The following EML1 variants were observed in gnomAD, a reference collection of about 807,000 sequenced individuals.
EML1 encodes the protein EMAP like 1, also known as echinoderm microtubule-associated protein-like 1.
EML1 carries 27 observed loss-of-function variants against 110.4 expected under a neutral mutation model. The ratio of observed to expected loss-of-function variants is 0.24; its 90% CI spans 0.18 to 0.34. The LOEUF (loss-of-function observed/expected upper bound fraction) is 0.34. Among genes scored for constraint, EML1 ranks in the 10% least tolerant of loss-of-function variants. The pLI, the probability that EML1 is intolerant of heterozygous loss-of-function variation, is 1.00. For missense variants in EML1, 741 were observed against 1,030.9 expected, an observed-to-expected ratio of 0.72 and a Z score of 3.85; for synonymous variants, 344 against 385.8, an observed-to-expected ratio of 0.89 and a Z score of 1.27.
intron 3 of EML1, among the ~76,000 whole-genome samples, chr14:99,876,758 C>T (rs921293429): frequency 1.3e-5 from 2 of 152,204 alleles, no homozygotes; most frequent in East Asian, 3.9e-4. Flanking sequence ...CAGCCCCCTG[C>T]CTGCCCCTCC....
intron 1 of EML1, among the ~76,000 whole-genome samples, chr14:99,752,024 G>A (rs2057181841): frequency 6.6e-6 from 1 of 152,240 alleles, no homozygotes; most frequent in South Asian, 2.1e-4. Context: ...ACCCAAGGCC[G>A]TTTTGCCAGC....
intron 14 of EML1, 35 bp from the exon 15 acceptor site, chr14:99,914,531 C>T (rs953841221): frequency 3.2e-6 from 5 of 1,575,466 alleles, no homozygotes; most frequent in Non-Finnish European, 4.3e-6. Flanking sequence ...ACTGTAGTAT[C>T]TCAGAGCGCT....
chr14:99,883,914 G>A (rs1168164990), intron 4 of EML1, among the ~76,000 whole-genome samples: 1 of 152,208 alleles, frequency 6.6e-6, no homozygotes, highest in Non-Finnish European at 1.5e-5. Context: ...TGCTCAACAA[G>A]CATTAGTCGA....
chr14:99,791,446 TACCCCAG>T (rs990751499), upstream of EML1, among the ~76,000 whole-genome samples: 2 of 152,240 alleles, frequency 1.3e-5, no homozygotes, highest in Admixed American at 6.5e-5. Context: ...GTCAAGGCTG[TACCCCAG>T]CCCCTGTCCG....
At chr14:99,787,053 TG>T (rs1310922682) in intron 1 of EML1, among the ~76,000 whole-genome samples, 1 of 152,104 alleles carries the variant, frequency 6.6e-6, no homozygotes, top group Non-Finnish European at 1.5e-5. Flanking sequence ...AGGGGCAGAG[TG>T]ACCATTTGTC....
At chr14:99,882,666 AAAAAAAAAAG>A (rs1460064732) in intron 4 of EML1, among the ~76,000 whole-genome samples, 2 of 151,648 alleles carry the variant, frequency 1.3e-5, no homozygotes, top group Non-Finnish European at 2.9e-5. Flanking sequence ...AAAAAAAAAA[AAAAAAAAAAG>A]AAAATTGCCA....
intron 7 of EML1, among the ~76,000 whole-genome samples, chr14:99,897,873 C>G (rs1323473672): frequency 6.6e-6 from 1 of 152,078 alleles, no homozygotes; most frequent in Non-Finnish European, 1.5e-5. Context: ...GTTCCTTGGT[C>G]AATGATAAAA....
At chr14:99,878,740 A>G in intron 4 of EML1, 121 bp downstream of exon 4, 1 of 1,369,412 alleles carries the variant, frequency 7.3e-7, no homozygotes, top group Non-Finnish European at 9.8e-7. Context: ...GGAGAAGAAG[A>G]CCTTCTCCTC....
chr14:99,856,330 G>T (rs1470611867), intron 2 of EML1, among the ~76,000 whole-genome samples: 2 of 152,062 alleles, frequency 1.3e-5, no homozygotes, highest in Non-Finnish European at 2.9e-5. Flanking sequence ...TTTTTTCAAG[G>T]TTTAATTTGA....
intron 17 of EML1, among the ~76,000 whole-genome samples, chr14:99,921,977 T>C (rs957009899): frequency 1.6e-4 from 25 of 152,178 alleles, no homozygotes; most frequent in Non-Finnish European, 1.5e-5. Flanking sequence ...TCTGGACATA[T>C]CGTGTAAATG....
chr14:99,842,186 T>C (rs2058644433), intron 1 of EML1, among the ~76,000 whole-genome samples: 1 of 152,272 alleles, frequency 6.6e-6, no homozygotes, highest in South Asian at 2.1e-4. Flanking sequence ...TTTTCTTTGA[T>C]GAAATTCAGA....
At chr14:99,806,316 CTTTTT>C (rs1198890041) in intron 1 of EML1, among the ~76,000 whole-genome samples, 1 of 87,774 alleles carries the variant, frequency 1.1e-5, no homozygotes. Context: ...TCTCCAGAAT[CTTTTT>C]TTTTTTTTTT....
chr14:99,879,388 C>A (rs1291122220), intron 4 of EML1, among the ~76,000 whole-genome samples: 3 of 152,092 alleles, frequency 2.0e-5, no homozygotes, highest in Non-Finnish European at 4.4e-5. Context: ...TTTATTCTCT[C>A]TGTTTAGTAA....
intron 6 of EML1, among the ~76,000 whole-genome samples, chr14:99,896,580 A>G (rs2059674355): frequency 6.6e-6 from 1 of 152,228 alleles, no homozygotes; most frequent in Admixed American, 6.5e-5. Flanking sequence ...CTCTAAATAA[A>G]TGGCATTTTT....
chr14:99,878,670 C>G, intron 4 of EML1, 51 bp downstream of exon 4: 1 of 1,568,676 alleles, frequency 6.4e-7, no homozygotes, highest in Non-Finnish European at 8.6e-7. Context: ...GTTAGTACGG[C>G]TTGTCCCCAG....
intron 1 of EML1, among the ~76,000 whole-genome samples, chr14:99,833,060 A>G (rs1441370117): frequency 1.3e-5 from 2 of 152,210 alleles, no homozygotes; most frequent in African/African-American, 2.4e-5. Context: ...TTTTGCTGTC[A>G]TATCTACAAG....
chr14:99,938,949 G>A (rs888927151), intron 20 of EML1, among the ~76,000 whole-genome samples: 1 of 152,218 alleles, frequency 6.6e-6, no homozygotes, highest in African/African-American at 2.4e-5. Flanking sequence ...CTGGCAGCCC[G>A]GAAAGCTTGT....
chr14:99,774,525 A>T (rs1047092352), intron 1 of EML1, among the ~76,000 whole-genome samples: 2 of 152,104 alleles, frequency 1.3e-5, no homozygotes, highest in Non-Finnish European at 2.9e-5. Flanking sequence ...AGACCTCCCC[A>T]TATCCACCCA....
rs556807550 is a variant in EML1, at chr14:99,923,523, G to T, written c.1909+2646G>T. On this transcript the variant is annotated intron_variant, in intron 17 of 21. Coordinates refer to ENST00000262233, the MANE Select transcript of EML1 (RefSeq NM_004434.3). ...TTGCTCTGCATAGAGGTATCTAGTTGTCCCAAGCACTTTTTGTTGAAAACA... is the reference window on the plus strand; with the variant it reads ...TTGCTCTGCATAGAGGTATCTAGTTTTCCCAAGCACTTTTTGTTGAAAACA... Among the ~76,000 whole-genome samples, 7 of 52,280 alleles carry T rather than the reference G, an allele frequency of 1.3e-4. No homozygotes were observed. In the African/African-American group the frequency reaches 3.8e-3, roughly 28 times the overall value. 34.3% of individuals were successfully genotyped at this position (52,280 alleles called of 152,430 possible).
Sources: allele counts gnomAD v4.1 joint callset (sites outside exome capture counted in the v4.1 genomes callset), GRCh38; gene constraint gnomAD v4.1.1; transcripts MANE v1.5; gene names NCBI Gene and HGNC (gene_info 2026-07-23, HGNC 2026-07-21).